Variants in ANO4 observed in about 807,000 individuals in gnomAD.
ANO4 encodes the protein anoctamin 4, also known as anoctamin-4.
A neutral mutation model predicts 141.9 loss-of-function variants in ANO4; 69 were observed. The ratio of observed to expected loss-of-function variants is 0.49; its 90% CI spans 0.40 to 0.59. ANO4 has a LOEUF of 0.59. ANO4 is among the 20% of genes least tolerant of loss of function. The pLI is 0.00. For missense variants in ANO4, 894 were observed against 1,162.2 expected (o/e 0.77, Z 3.36); for synonymous variants, 350 against 394.3 (o/e 0.89, Z 1.33).
intron 2 of ANO4, among the ~76,000 whole-genome samples, chr12:100,919,706 ATGTATGTATGTATGTATGTG>A (rs1447449415): frequency 9.1e-5 from 10 of 110,068 alleles, no homozygotes; most frequent in African/African-American, 3.8e-4. Context: ...GTGTGTGTGT[ATGTATGTATGTATGTATGTG>A]TGTATGTATG....
chr12:100,922,394 G>A, intron 3 of ANO4, 64 bp downstream of exon 3: 2 of 1,130,902 alleles, frequency 1.8e-6, no homozygotes, highest in Non-Finnish European at 2.4e-6. Context: ...CTTGGGAGGG[G>A]TAATAAACTA....
At chr12:100,892,571 G>C (rs556361106) in intron 1 of ANO4, among the ~76,000 whole-genome samples, 1 of 152,206 alleles carries the variant, frequency 6.6e-6, no homozygotes, top group East Asian at 1.9e-4. Flanking sequence ...TTAGTTCCTG[G>C]ATAACCACCT....
intron 3 of ANO4, among the ~76,000 whole-genome samples, chr12:100,742,515 G>T (rs1276438264): frequency 2.0e-5 from 3 of 152,076 alleles, no homozygotes; most frequent in Admixed American, 2.0e-4. Flanking sequence ...TCCAGACTTT[G>T]CCAGACATCC....
At chr12:100,963,839 T>C (rs1289014020) in intron 5 of ANO4, among the ~76,000 whole-genome samples, 1 of 152,154 alleles carries the variant, frequency 6.6e-6, no homozygotes, top group East Asian at 1.9e-4. Flanking sequence ...TGTCAGCTAT[T>C]GGGGGTTACC....
chr12:100,964,404 C>T (rs907122109), intron 5 of ANO4, among the ~76,000 whole-genome samples: 3 of 152,132 alleles, frequency 2.0e-5, no homozygotes, highest in Admixed American at 1.3e-4. Flanking sequence ...CACCACCTAA[C>T]GTGTAGTGGC....
chr12:101,074,629 C>T (rs373994390), intron 14 of ANO4, among the ~76,000 whole-genome samples: 2 of 152,094 alleles, frequency 1.3e-5, no homozygotes, highest in African/African-American at 4.8e-5. Flanking sequence ...TCCATACAAC[C>T]AAATAATGAG....
At chr12:100,827,423 A>C (rs1036992670) in intron 1 of ANO4, among the ~76,000 whole-genome samples, 1 of 152,032 alleles carries the variant, frequency 6.6e-6, no homozygotes, top group Non-Finnish European at 1.5e-5. Flanking sequence ...AAAGAAAGAA[A>C]TACCCCCCCA....
intron 1 of ANO4, among the ~76,000 whole-genome samples, chr12:100,864,131 G>A (rs1057470395): frequency 6.6e-6 from 1 of 152,148 alleles, no homozygotes; most frequent in African/African-American, 2.4e-5. Context: ...GGTCACTGCA[G>A]CAGAAGTCCC....
At position 100,895,565 on chromosome 12, in the gene ANO4, T is replaced by G. The variant is rs551094425; in HGVS notation, c.-140-6081T>G. On this transcript the variant is annotated intron_variant, in intron 1 of 27. Coordinates refer to ENST00000392977, the MANE Select transcript of ANO4 (RefSeq NM_001286615.2). Reference sequence around the variant, plus strand: ...CTTAAAGAAAATCTGAGCTTTGTTTTTTTTTTTTTTTTGAGACAGAGTTTT... The same window carrying G: ...CTTAAAGAAAATCTGAGCTTTGTTTGTTTTTTTTTTTTGAGACAGAGTTTT... Among the ~76,000 whole-genome samples the G allele has an allele frequency of 5.9e-5, 9 of 151,472 alleles. No individual in the cohort carries two copies. The South Asian group carries it at 1.7e-3, about 28-fold the overall frequency.
At chr12:100,806,518 TGTTTCG>T (rs1342936789) in intron 1 of ANO4, among the ~76,000 whole-genome samples, 37 of 134,020 alleles carry the variant, frequency 2.8e-4, no homozygotes, top group African/African-American at 6.8e-4. Context: ...GTTTTTTTTT[TGTTTCG>T]TTTTTTTTTT....
intron 1 of ANO4, among the ~76,000 whole-genome samples, chr12:100,829,815 A>G (rs2036545886): frequency 6.6e-6 from 1 of 152,058 alleles, no homozygotes; most frequent in Non-Finnish European, 1.5e-5. Flanking sequence ...CCAAGACCTA[A>G]TTCTTTGTGA....
At chr12:100,850,169 A>T (rs776945688) in intron 1 of ANO4, among the ~76,000 whole-genome samples, 1 of 152,248 alleles carries the variant, frequency 6.6e-6, no homozygotes, top group South Asian at 2.1e-4. Flanking sequence ...ACATTTTCTC[A>T]TTGGAGTTTT....
Position 101,113,117 on chromosome 12 carries a change from A to T in ANO4, c.2450+1407A>T, listed in dbSNP as rs2050723153. ...GAGATTAAAAGAGGTTAAGTCCAGA[A>T]TCACAAGGCATAGTAACTCTGGGAG... On this transcript the variant is annotated intron_variant, in intron 24 of 27. Transcript: ENST00000392977. 2.6e-5 allele frequency among the ~76,000 whole-genome samples: 4 copies of T among 152,164 alleles called. No individual in the cohort carries two copies. The South Asian group carries it at 8.3e-4, about 32-fold the overall frequency.
chr12:100,948,232 G>A (rs989952100), intron 5 of ANO4, among the ~76,000 whole-genome samples: 1 of 151,234 alleles, frequency 6.6e-6, no homozygotes, highest in Non-Finnish European at 1.5e-5. Context: ...AAAGGTAAAG[G>A]AACAAGGAAA....
chr12:100,739,670 A>G (rs1332101441), intron 2 of ANO4, among the ~76,000 whole-genome samples: 1 of 152,168 alleles, frequency 6.6e-6, no homozygotes, highest in Admixed American at 6.5e-5. Flanking sequence ...CTTAATAAAC[A>G]TAAGTTGATT....
At chr12:100,738,717 T>A (rs2031717992) in intron 2 of ANO4, among the ~76,000 whole-genome samples, 1 of 152,068 alleles carries the variant, frequency 6.6e-6, no homozygotes, top group Admixed American at 6.6e-5. Flanking sequence ...GTGCACAACA[T>A]AATGTCTTGG....
At chr12:100,786,944 C>T (rs1300506844) in intron 3 of ANO4, among the ~76,000 whole-genome samples, 2 of 152,138 alleles carry the variant, frequency 1.3e-5, no homozygotes, top group Non-Finnish European at 2.9e-5. Context: ...ATGTACCAGG[C>T]ATCACAATAA....
At chr12:101,016,405 G>A (rs1019929443) in intron 8 of ANO4, among the ~76,000 whole-genome samples, 10 of 152,056 alleles carry the variant, frequency 6.6e-5, no homozygotes, top group Admixed American at 3.9e-4. Flanking sequence ...CTACCAGAGT[G>A]AGAACTCACT....
chr12:101,069,228 A>G, intron 14 of ANO4: 2 of 1,244,810 alleles, frequency 1.6e-6, no homozygotes, highest in South Asian at 2.4e-5. Context: ...TTGTTCAAGA[A>G]TAACTGATAT....
Sources: allele counts gnomAD v4.1 joint callset (sites outside exome capture counted in the v4.1 genomes callset), GRCh38; gene constraint gnomAD v4.1.1; transcripts MANE v1.5; gene names NCBI Gene and HGNC (gene_info 2026-07-23, HGNC 2026-07-21).